The following RDX variants were observed in gnomAD, a reference collection of about 807,000 sequenced individuals.
RDX encodes deafness, autosomal recessive 24.
RDX carries 32 observed loss-of-function variants against 83.7 expected under a neutral mutation model. The ratio of observed to expected loss-of-function variants is 0.38; its 90% CI spans 0.29 to 0.51. RDX has a LOEUF of 0.51. Among genes scored for constraint, RDX ranks in the 20% least tolerant of loss-of-function variants. The pLI is 0.87. For synonymous variants in RDX, 229 were observed against 222.7 expected (o/e 1.03, Z -0.25); for missense variants, 600 against 689.9 (o/e 0.87, Z 1.46).
At chr11:110,244,329 C>T (rs1175665774) in intron 10 of RDX, among the ~76,000 whole-genome samples, 1 of 130,906 alleles carries the variant, frequency 7.6e-6, no homozygotes, top group African/African-American at 3.0e-5. Flanking sequence ...GCCATTTGCA[C>T]TCCAACCTGG....
At chr11:110,227,182 GA>G (rs940821491), downstream of RDX, among the ~76,000 whole-genome samples, 15 of 151,844 alleles carry the variant, frequency 9.9e-5, no homozygotes, top group Middle Eastern at 6.8e-3. Context: ...TATTTAAGTT[GA>G]AAAAAATAAA....
chr11:110,276,215 T>C (rs748748309), intron 2 of RDX, among the ~76,000 whole-genome samples: 3 of 152,232 alleles, frequency 2.0e-5, no homozygotes, highest in Non-Finnish European at 4.4e-5. Context: ...TTTCATTTTT[T>C]AATCTCCATA....
intron 2 of RDX, among the ~76,000 whole-genome samples, chr11:110,275,803 G>A (rs1354922732): frequency 3.2e-5 from 1 of 31,462 alleles, no homozygotes; most frequent in Non-Finnish European, 6.8e-5. Context: ...TTTTTTTTTT[G>A]AGAAAGCATC....
intron 14 of RDX, among the ~76,000 whole-genome samples, chr11:110,222,866 C>T (rs1003079138): frequency 1.3e-5 from 2 of 152,132 alleles, no homozygotes; most frequent in Non-Finnish European, 2.9e-5. Flanking sequence ...ACAAAAACGA[C>T]TACTTTTAAA....
At chr11:110,209,649 G>GCAGA (rs1309112769) in intron 14 of RDX, among the ~76,000 whole-genome samples, 1 of 148,152 alleles carries the variant, frequency 6.7e-6, no homozygotes, top group Non-Finnish European at 1.5e-5. Context: ...CTGAGAACGG[G>GCAGA]CAGACTGCCT....
At chr11:110,237,418 T>C in intron 11 of RDX, 74 bp downstream of exon 11, 1 of 1,448,342 alleles carries the variant, frequency 6.9e-7, no homozygotes, top group Non-Finnish European at 9.4e-7. Flanking sequence ...TGGTTGCTTT[T>C]CTTTTTTTCT....
intron 1 of RDX, among the ~76,000 whole-genome samples, chr11:110,289,036 G>C (rs543979942): frequency 1.3e-5 from 2 of 151,974 alleles, no homozygotes; most frequent in Non-Finnish European, 2.9e-5. Flanking sequence ...TTGGGAGTTC[G>C]AGACCAGCCT....
chr11:110,236,900 G>T (rs546314578), intron 11 of RDX, among the ~76,000 whole-genome samples: 62 of 152,218 alleles, frequency 4.1e-4, no homozygotes, highest in Non-Finnish European at 8.1e-4. Flanking sequence ...GATTACAGGC[G>T]TGAGCCACTG....
chr11:110,193,930 T>C (rs1863151784), intron 15 of RDX, among the ~76,000 whole-genome samples: 1 of 152,222 alleles, frequency 6.6e-6, no homozygotes, highest in Non-Finnish European at 1.5e-5. Flanking sequence ...GTCCCATACA[T>C]TTTATAATAA....
intron 14 of RDX, among the ~76,000 whole-genome samples, chr11:110,222,727 T>C (rs1022277834): frequency 6.6e-6 from 1 of 151,502 alleles, no homozygotes; most frequent in Non-Finnish European, 1.5e-5. Flanking sequence ...ACCCGGGAGG[T>C]GGAGGTTGCA....
Position 110,279,773 on chromosome 11 carries a change from A to G in RDX, c.-64-17T>C, listed in dbSNP as rs1439452236. The G allele has an allele frequency of 9.1e-6, 7 of 767,664 alleles. No individual in the cohort carries two copies. Among genetic ancestry groups the G allele is most frequent in the East Asian group, 2.7e-5 (1 of 37,728 alleles). 47.6% of individuals were successfully genotyped at this position (767,664 alleles called of 1,614,324 possible). ...TATCACTTTCTGTTAAAAAAAAAAAAGCATAATCTATTATCTTTTTATATA... is the reference window on the plus strand; with the variant it reads ...TATCACTTTCTGTTAAAAAAAAAAAGGCATAATCTATTATCTTTTTATATA... On this transcript the variant is annotated splice_polypyrimidine_tract_variant and intron_variant, in intron 1 of 13. Transcript: ENST00000645495.
At chr11:110,221,600 A>AC in intron 14 of RDX, among the ~76,000 whole-genome samples, 1 of 128,984 alleles carries the variant, frequency 7.8e-6, no homozygotes, top group East Asian at 2.4e-4. Context: ...CCTGTCTCCA[A>AC]AACACACACA....
Position 110,216,106 on chromosome 11 carries a change from C to T in RDX, c.1748+15767G>A, listed in dbSNP as rs550289077. Among the ~76,000 whole-genome samples the T allele has an allele frequency of 2.0e-4, 31 of 152,306 alleles. 1 individual carries two copies. In the South Asian group the frequency reaches 5.0e-3, roughly 24 times the overall value. On this transcript the variant is annotated intron_variant, in intron 14 of 15. Coordinates refer to the RDX transcript ENST00000528498. ...CTGCTCAGTGGACATTGGCCTAGAT[C>T]TTGTAGGCTTCTCACCATGGCTTAG...
intron 10 of RDX, chr11:110,237,853 C>A (rs1307670971): frequency 1.5e-6 from 1 of 651,282 alleles, no homozygotes; most frequent in Non-Finnish European, 2.8e-6. Context: ...CTCACTGCAG[C>A]CTCGAACTCA....
At chr11:110,286,938 G>A (rs1157675138) in intron 1 of RDX, 1 of 152,040 alleles carries the variant, frequency 6.6e-6, no homozygotes, top group Non-Finnish European at 1.5e-5. Context: ...ACACAATACA[G>A]AAAATTACAA....
At chr11:110,219,230 A>G (rs1366478890) in intron 14 of RDX, among the ~76,000 whole-genome samples, 2 of 152,172 alleles carry the variant, frequency 1.3e-5, no homozygotes, top group African/African-American at 4.8e-5. Flanking sequence ...GAGTAAGAGG[A>G]GTTGGACCAG....
rs139556683 is a variant in RDX, at chr11:110,193,362, A to C, written c.*31+6219T>G. Among the ~76,000 whole-genome samples, 20 of 152,248 alleles carry C rather than the reference A, an allele frequency of 1.3e-4. No individual in the cohort carries two copies. The East Asian group carries it at 3.9e-3, about 29-fold the overall frequency. On this transcript the variant is annotated intron_variant, in intron 15 of 15. Coordinates refer to the RDX transcript ENST00000528498. ...ATGGGAACAACAGACACTGGGGACC[A>C]CTAGAGACGGGAGAGAGGGTTGGGG...
chr11:110,264,619 G>C (rs1284044279), intron 4 of RDX, among the ~76,000 whole-genome samples, 160 bp downstream of exon 4: 2 of 148,056 alleles, frequency 1.4e-5, no homozygotes, highest in African/African-American at 2.5e-5. Context: ...ATGATAAGCT[G>C]ATGGTGCCTG....
At chr11:110,236,304 A>G in intron 11 of RDX, 113 bp from the exon 12 acceptor site, 2 of 750,740 alleles carry the variant, frequency 2.7e-6, no homozygotes, top group East Asian at 2.7e-5. Context: ...TTAGCCTTCC[A>G]TTTAAAAAAA....
Sources: allele counts gnomAD v4.1 joint callset (sites outside exome capture counted in the v4.1 genomes callset), GRCh38; gene constraint gnomAD v4.1.1; transcripts MANE v1.5; gene names NCBI Gene and HGNC (gene_info 2026-07-23, HGNC 2026-07-21).